WWOX: variants seen among roughly 807,000 people sequenced by gnomAD.
WWOX encodes WW domain containing oxidoreductase.
WWOX carries 69 observed loss-of-function variants against 46.2 expected under a neutral mutation model. That is an observed-to-expected ratio of 1.49 (90% CI 1.23 to 1.82). The LOEUF (loss-of-function observed/expected upper bound fraction) is 1.82. Among genes scored for constraint, WWOX ranks in the 40% most tolerant of loss-of-function variants. WWOX has a pLI of 0.00. For synonymous variants in WWOX, 359 were observed against 202.6 expected, an observed-to-expected ratio of 1.77 and a Z score of -6.56; for missense variants, 919 against 542.6, an observed-to-expected ratio of 1.69 and a Z score of -6.89.
chr16:78,154,823 G>A (rs190652235), intron 4 of WWOX, among the ~76,000 whole-genome samples: 11 of 152,250 alleles, frequency 7.2e-5, no homozygotes, highest in African/African-American at 2.4e-4. Flanking sequence ...TTTGAGATTC[G>A]GTGATTGAGT....
intron 8 of WWOX, among the ~76,000 whole-genome samples, chr16:78,508,001 T>C (rs1228456409): frequency 3.6e-5 from 1 of 27,990 alleles, no homozygotes; most frequent in African/African-American, 5.3e-5. Context: ...TGCGTGCGTG[T>C]GTGTGTGTGT....
At chr16:78,547,086 C>T (rs952600533) in intron 8 of WWOX, among the ~76,000 whole-genome samples, 1 of 139,264 alleles carries the variant, frequency 7.2e-6, no homozygotes, top group Non-Finnish European at 1.5e-5. Flanking sequence ...CAAGATCATG[C>T]CACTGCACTC....
intron 8 of WWOX, among the ~76,000 whole-genome samples, chr16:79,137,950 G>C (rs980532143): frequency 2.0e-5 from 3 of 152,148 alleles, no homozygotes; most frequent in Non-Finnish European, 1.5e-5. Context: ...AAGTTTTGAG[G>C]ATGAAATTGG....
chr16:78,255,880 G>A (rs1057166417), intron 5 of WWOX, among the ~76,000 whole-genome samples: 13 of 151,988 alleles, frequency 8.6e-5, no homozygotes, highest in Admixed American at 6.6e-4. Flanking sequence ...ACAGTGGCTC[G>A]CGCCTGTAAT....
intron 8 of WWOX, among the ~76,000 whole-genome samples, chr16:78,716,055 C>G (rs960163142): frequency 2.0e-5 from 3 of 150,468 alleles, no homozygotes; most frequent in Non-Finnish European, 2.9e-5. Context: ...AGAGGAATGT[C>G]TAAAGGAAAG....
chr16:78,630,658 C>T (rs77011794), intron 8 of WWOX, among the ~76,000 whole-genome samples: 1,963 of 152,284 alleles, frequency 0.013, 48 homozygotes, highest in African/African-American at 0.045. Flanking sequence ...CACCATTTCC[C>T]TGTGCTCATT....
At chr16:79,132,366 C>A (rs1331625843) in intron 8 of WWOX, among the ~76,000 whole-genome samples, 2 of 152,130 alleles carry the variant, frequency 1.3e-5, no homozygotes, top group African/African-American at 4.8e-5. Flanking sequence ...GTGGATTTTG[C>A]TCAAGAATAG....
chr16:79,082,062 C>G (rs1003417942), intron 8 of WWOX, among the ~76,000 whole-genome samples: 1 of 152,134 alleles, frequency 6.6e-6, no homozygotes, highest in African/African-American at 2.4e-5. Context: ...TGGAGTGAAG[C>G]CATTCCTTGC....
At chr16:78,719,830 C>G (rs1167456970) in intron 8 of WWOX, among the ~76,000 whole-genome samples, 1 of 152,068 alleles carries the variant, frequency 6.6e-6, no homozygotes, top group East Asian at 1.9e-4. Flanking sequence ...CAAAAACAAA[C>G]AAATACATGA....
rs980982049 is a variant in WWOX at position 78,515,913 on chromosome 16, T to G, written c.1056+83161T>G. On this transcript the variant is annotated intron_variant, in intron 8 of 8. Transcript: ENST00000566780. ...GAACATCTTTGGCCCATGTGAAATT[T>G]TGTTACGTGTTGTTAGGTTTCATTT... is the stretch of plus-strand genomic sequence containing the variant. 6.6e-5 allele frequency among the ~76,000 whole-genome samples: 10 copies of G among 152,184 alleles called. No homozygotes were observed. In the South Asian group the frequency reaches 8.3e-4, roughly 13 times the overall value.
intron 8 of WWOX, among the ~76,000 whole-genome samples, chr16:78,433,947 G>T (rs913069045): frequency 2.0e-5 from 3 of 151,802 alleles, no homozygotes; most frequent in Admixed American, 2.0e-4. Context: ...CCACCACTAT[G>T]CCCGGCTAAT....
At chr16:78,963,941 A>G (rs181741436) in intron 8 of WWOX, among the ~76,000 whole-genome samples, 4 of 152,190 alleles carry the variant, frequency 2.6e-5, no homozygotes, top group Non-Finnish European at 4.4e-5. Flanking sequence ...CATAAGATCC[A>G]ATGAATTTAT....
chr16:79,182,515 CAGA>C (rs59432734), intron 8 of WWOX, among the ~76,000 whole-genome samples: 6,966 of 151,922 alleles, frequency 0.046, 544 homozygotes, highest in African/African-American at 0.16. Context: ...TGGAAGGGAT[CAGA>C]AGGAGGGAAA....
At chr16:78,524,088 T>C (rs923269542) in intron 8 of WWOX, among the ~76,000 whole-genome samples, 3 of 152,226 alleles carry the variant, frequency 2.0e-5, no homozygotes, top group African/African-American at 4.8e-5. Context: ...CAACATCAAA[T>C]AACATGAAGT....
intron 8 of WWOX, among the ~76,000 whole-genome samples, chr16:78,517,569 G>GA (rs2043263443): frequency 6.6e-6 from 1 of 152,158 alleles, no homozygotes; most frequent in Admixed American, 6.5e-5. Flanking sequence ...TTCTGTAACT[G>GA]TCATATTGTG....
At chr16:78,413,724 T>G (rs2082733773) in intron 6 of WWOX, among the ~76,000 whole-genome samples, 1 of 151,938 alleles carries the variant, frequency 6.6e-6, no homozygotes, top group Non-Finnish European at 1.5e-5. Flanking sequence ...GGCTTGAAGA[T>G]GAAATCACAG....
intron 8 of WWOX, among the ~76,000 whole-genome samples, chr16:79,184,983 A>G (rs1051450408): frequency 2.0e-5 from 3 of 152,232 alleles, no homozygotes; most frequent in Non-Finnish European, 4.4e-5. Context: ...TAGCACTGAC[A>G]ATGAAACATT....
intron 8 of WWOX, among the ~76,000 whole-genome samples, chr16:79,104,163 A>T (rs776809156): frequency 6.6e-6 from 1 of 152,068 alleles, no homozygotes; most frequent in Non-Finnish European, 1.5e-5. Context: ...CCCCACAAAT[A>T]GGTGAACTAC....
intron 8 of WWOX, among the ~76,000 whole-genome samples, chr16:78,772,624 T>C (rs959754903): frequency 2.0e-5 from 3 of 152,228 alleles, no homozygotes; most frequent in Non-Finnish European, 4.4e-5. Flanking sequence ...GTGATTGTTA[T>C]TACCAGCATG....
Sources: allele counts gnomAD v4.1 joint callset (sites outside exome capture counted in the v4.1 genomes callset), GRCh38; gene constraint gnomAD v4.1.1; transcripts MANE v1.5; gene names NCBI Gene and HGNC (gene_info 2026-07-23, HGNC 2026-07-21).